Variants in RNF31 observed in about 807,000 individuals in gnomAD.
RNF31 encodes the protein ring finger protein 31.
RNF31 carries 38 observed loss-of-function variants against 133.6 expected under a neutral mutation model. The observed-to-expected ratio is 0.28, with a 90% CI of 0.22 to 0.37. The LOEUF is 0.37. RNF31 is among the 10% of genes least tolerant of loss of function. The pLI, the probability that RNF31 is intolerant of heterozygous loss-of-function variation, is 1.00. For missense variants in RNF31, 1,118 were observed against 1,394.1 expected (o/e 0.80, Z 3.15); for synonymous variants, 582 against 552.3 (o/e 1.05, Z -0.75).
chr14:24,158,842 G>C (rs1441590849), intron 18 of RNF31: 5 of 151,008 alleles, frequency 3.3e-5, no homozygotes, highest in African/African-American at 1.2e-4. Flanking sequence ...GACCATCCTG[G>C]CTAACACGGT....
At chr14:24,157,817 A>C in intron 16 of RNF31, 81 bp from the exon 17 acceptor site, 1 of 1,224,728 alleles carries the variant, frequency 8.2e-7, no homozygotes, top group Non-Finnish European at 1.2e-6. Context: ...CCTCACCCTT[A>C]CACCCCTCAC....
At position 24,157,274 on chromosome 14, in the gene RNF31, A is replaced by G. The variant is rs760391687; in HGVS notation, c.2494-16A>G. 7.0e-6 allele frequency: 11 copies of G among 1,581,044 alleles called. No individual in the cohort carries two copies. Among genetic ancestry groups the G allele is most frequent in the African/African-American group, 6.7e-5 (5 of 74,162 alleles). On this transcript the variant is annotated splice_polypyrimidine_tract_variant and intron_variant, in intron 14 of 20. Coordinates refer to ENST00000324103, the MANE Select transcript of RNF31 (RefSeq NM_017999.5). ...GGGATAGAGCTCCCATGTGAAGCCT[A>G]CTTTCCCTCTGGCAGTGGGAGGAGC...
In RNF31 at chr14:24,147,631, C is replaced by T; in HGVS notation, c.-68C>T. 2 of 1,338,006 alleles carry T rather than the reference C, an allele frequency of 1.5e-6. No homozygotes were observed. The highest frequency in any genetic ancestry group is 1.9e-6 in the Non-Finnish European group (2 of 1,044,334). 82.9% of individuals were successfully genotyped at this position (1,338,006 alleles called of 1,614,324 possible). ...CGGGCACCAGACGGGAGGGGCGGCG[C>T]TCGGGCCGCGCGCTGCCCGCGCCGG... On this transcript the variant is annotated 5_prime_UTR_variant, in exon 1 of 21. Coordinates refer to ENST00000324103, the MANE Select transcript of RNF31 (RefSeq NM_017999.5).
chr14:24,147,689 C>T lies in RNF31; in HGVS notation c.-10C>T, dbSNP rs12895709. On this transcript the variant is annotated 5_prime_UTR_variant, in exon 1 of 21. Coordinates refer to ENST00000324103, the MANE Select transcript of RNF31 (RefSeq NM_017999.5). ...CGGGCGGCGAGGCTGGGGCTGACTC[C>T]TGCCTCAGGATGCCGGGGGAGGAAG... The T allele has an allele frequency of 6.7e-7, 1 of 1,485,940 alleles. No homozygotes were observed. The highest frequency in any genetic ancestry group is 8.9e-7 in the Non-Finnish European group (1 of 1,123,828). 92.0% of individuals were successfully genotyped at this position (1,485,940 alleles called of 1,614,324 possible).
Position 24,148,141 on chromosome 14 carries a change from T to A in RNF31, c.339+19T>A. ...TGTGCAGGTGAATCCCCTGGCCTTA[T>A]GGGAGAGGGGGCTGGGGTTTGGCTA... is the stretch of plus-strand genomic sequence containing the variant. On this transcript the variant is annotated intron_variant, in intron 2 of 20. Transcript: ENST00000324103. 6.2e-7 allele frequency: 1 copy of A among 1,613,910 alleles called. No individual in the cohort carries two copies. The highest frequency in any genetic ancestry group is 8.5e-7 in the Non-Finnish European group (1 of 1,179,890).
At chr14:24,150,999 T>G in intron 8 of RNF31, 111 bp downstream of exon 8, 1 of 1,493,602 alleles carries the variant, frequency 6.7e-7, no homozygotes, top group Non-Finnish European at 9.0e-7. Flanking sequence ...AGCTGCCTGT[T>G]ACTGAGGCAG....
chr14:24,147,478 T>G (rs1445895708), upstream of RNF31: 1 of 397,302 alleles, frequency 2.5e-6, no homozygotes, highest in Non-Finnish European at 4.4e-6. Flanking sequence ...CGAAATTGGG[T>G]CGCAGTCCCA....
chr14:24,148,482 G>C, intron 3 of RNF31, 69 bp downstream of exon 3: 1 of 1,611,712 alleles, frequency 6.2e-7, no homozygotes, highest in Non-Finnish European at 8.5e-7. Context: ...ACTCAAGTAA[G>C]TTTGAGGACC....
At chr14:24,149,155 G>A (rs1209720727) in intron 5 of RNF31, 2 of 593,606 alleles carry the variant, frequency 3.4e-6, no homozygotes, top group Non-Finnish European at 5.9e-6. Flanking sequence ...TAGAGATGGG[G>A]TTTCTCCATG....
chr14:24,146,904 TG>T (rs1189046528), upstream of RNF31: 14 of 472,050 alleles, frequency 3.0e-5, no homozygotes, highest in Middle Eastern at 1.8e-3. Flanking sequence ...AGTCCAGGGT[TG>T]GGGTAAGAGA....
At chr14:24,154,310 A>G (rs1472449455) in intron 11 of RNF31, among the ~76,000 whole-genome samples, 1 of 152,140 alleles carries the variant, frequency 6.6e-6, no homozygotes, top group African/African-American at 2.4e-5. Flanking sequence ...GGCATGCGCC[A>G]CCACACTTGG....
At chr14:24,156,718 G>T (rs948736313) in intron 14 of RNF31, among the ~76,000 whole-genome samples, 4 of 151,888 alleles carry the variant, frequency 2.6e-5, no homozygotes, top group Non-Finnish European at 5.9e-5. Flanking sequence ...GGTGGAGGCT[G>T]CAGTGAGCCA....
In RNF31 at chr14:24,148,839, G is replaced by A; in HGVS notation, c.594G>A (p.Glu198=). 1 of 1,614,160 alleles carries A rather than the reference G, an allele frequency of 6.2e-7. No individual in the cohort carries two copies. The highest frequency in any genetic ancestry group is 8.5e-7 in the Non-Finnish European group (1 of 1,180,022). ...CAGAATTTGACCCCCTATTGAGAGA[G>A]ATTGCTCCTGGCCCCCTCACCACAC... ...QLSEFDPLLR[E]IAPGPLTTPS... The change falls in exon 5 of 21, where the codon GAG becomes GAA. Residue 198 remains glutamate (E), a synonymous_variant. Transcript: ENST00000324103.
rs775187700 is a variant in RNF31 at position 24,160,352 on chromosome 14, G to A, written c.3110G>A (p.Arg1037His). 11 of 1,614,012 alleles carry A rather than the reference G, an allele frequency of 6.8e-6. No individual in the cohort carries two copies. Among genetic ancestry groups the A allele is most frequent in the Admixed American group, 3.3e-5 (2 of 59,994 alleles). ...ETATERYLHV[R>H]PQPLAGEDPP... ...GCCACTGAGCGCTACCTGCACGTAC[G>A]CCCCCAGCCTTTGGCTGGAGAGGAT... Residue 1037 changes from arginine (R) to histidine (H), a missense_variant, in exon 20 of 21, where the codon CGC (arginine) becomes CAC (histidine). By Grantham distance (29) the Arg-to-His change is conservative. Coordinates refer to ENST00000324103, the MANE Select transcript of RNF31 (RefSeq NM_017999.5). The surrounding 1 kb of genome is among the most constrained non-coding windows in gnomAD (Gnocchi z 4.0).
intron 5 of RNF31, chr14:24,149,194 C>G: frequency 1.7e-6 from 1 of 604,900 alleles, no homozygotes; most frequent in South Asian, 2.1e-5. Flanking sequence ...AACTCCTGAC[C>G]TCAAGTGATC....
At chr14:24,157,456 G>A (rs1594382874) in intron 15 of RNF31, 52 bp downstream of exon 15, 2 of 1,602,780 alleles carry the variant, frequency 1.2e-6, no homozygotes, top group Non-Finnish European at 1.7e-6. Context: ...ATTGCCAGCA[G>A]CTCTCTTCCT....
intron 18 of RNF31, among the ~76,000 whole-genome samples, chr14:24,159,352 CA>C (rs777764741): frequency 0.018 from 971 of 54,336 alleles, 12 homozygotes; most frequent in African/African-American, 0.049. Context: ...AACTCCATCT[CA>C]AAAAAAAAAA....
Position 24,155,125 on chromosome 14 carries a change from G to T in RNF31, c.2131-32G>T. ...CCCTAGCCTGGCAGCTGTGGCTTCT[G>T]ACCCCCTCCCCTCCAACCCCTCACC... On this transcript the variant is annotated intron_variant, in intron 11 of 20. Coordinates refer to ENST00000324103, the MANE Select transcript of RNF31 (RefSeq NM_017999.5). This position sits in a 1 kb window ranked among gnomAD's most constrained non-coding sequence, Gnocchi z 4.9. 1 of 1,603,300 alleles carries T rather than the reference G, an allele frequency of 6.2e-7. No homozygotes were observed. The highest frequency in any genetic ancestry group is 1.1e-5 in the South Asian group (1 of 90,248).
chr14:24,149,188 C>T (rs1017821375), intron 5 of RNF31: 13 of 602,792 alleles, frequency 2.2e-5, no homozygotes, highest in South Asian at 8.3e-5. Context: ...GTCTGGAACT[C>T]CTGACCTCAA....
Sources: gnomAD v4.1 joint callset for allele counts (sites outside exome capture counted in the v4.1 genomes callset) on GRCh38, gnomAD v4.1.1 for gene constraint, Gnocchi (gnomAD v3.1) non-coding constraint, MANE v1.5 for transcripts, NCBI Gene and HGNC (gene_info 2026-07-23, HGNC 2026-07-21) for gene names.